The following AACS variants were observed in gnomAD, a reference collection of about 807,000 sequenced individuals.
The protein encoded by AACS is acetoacetate-CoA ligase.
A neutral mutation model predicts 83.1 loss-of-function variants in AACS; 69 were observed. The observed-to-expected ratio is 0.83, with a 90% CI of 0.68 to 1.01. The LOEUF (loss-of-function observed/expected upper bound fraction) is 1.01, where lower values mean the gene tolerates loss of function less well. Ranked by LOEUF, AACS falls within the 50% of genes least tolerant of loss-of-function variation. The pLI, the probability that AACS is intolerant of heterozygous loss-of-function variation, is 0.00. For missense variants in AACS, 866 were observed against 882.2 expected (o/e 0.98, Z 0.23); for synonymous variants, 333 against 343.4 (o/e 0.97, Z 0.33).
At chr12:125,118,527 A>G (rs1355407006) in intron 9 of AACS, 114 bp from the exon 10 acceptor site, 11 of 1,448,410 alleles carry the variant, frequency 7.6e-6, no homozygotes, top group Non-Finnish European at 1.0e-5. Context: ...GGAAGTTAGC[A>G]CCAACCTGTG....
rs1257564341 is a variant in AACS at position 125,140,954 on chromosome 12, TAAA to T, written c.1882-1134_1882-1132del. 2.6e-5 allele frequency: 4 copies of T among 152,190 alleles called. No homozygotes were observed. In the East Asian group the frequency reaches 7.7e-4, roughly 29 times the overall value. 9.4% of individuals were successfully genotyped at this position (152,190 alleles called of 1,614,324 possible). A position where few individuals can be genotyped will look rare whatever the true frequency, so the allele number is the denominator to read the frequency against. On this transcript the variant is annotated intron_variant, in intron 17 of 17. Transcript: ENST00000316519. This position sits in a 1 kb window ranked among gnomAD's most constrained non-coding sequence, Gnocchi z 5.1. ...TAACGTGATAAAATATATAGAGAAG[TAAA>T]AAAGTATAAATAAAAGTAAAATCAT... is the stretch of plus-strand genomic sequence containing the variant.
chr12:125,139,392 A>G (rs747733963), intron 17 of AACS: 2 of 152,390 alleles, frequency 1.3e-5, no homozygotes, highest in African/African-American at 2.4e-5. Flanking sequence ...GTCTTTATGC[A>G]CAGGGGCTCT....
At chr12:125,120,499 A>G (rs926139348) in intron 10 of AACS, 1 of 152,184 alleles carries the variant, frequency 6.6e-6, no homozygotes, top group Non-Finnish European at 1.5e-5. Flanking sequence ...GAGGAAGGCT[A>G]TTTCCTAATG....
intron 5 of AACS, among the ~76,000 whole-genome samples, chr12:125,100,648 A>G (rs1339389311): frequency 2.6e-5 from 4 of 152,234 alleles, no homozygotes; most frequent in Admixed American, 6.5e-5. Context: ...CTCAAATTTT[A>G]TCACACCTCA....
In AACS at chr12:125,073,779, C is replaced by T. The variant is rs189291836; in HGVS notation, c.134-97C>T. 57 of 977,730 alleles carry T rather than the reference C, an allele frequency of 5.8e-5. No individual in the cohort carries two copies. The South Asian group carries it at 6.4e-4, about 11-fold the overall frequency. 60.6% of individuals were successfully genotyped at this position (977,730 alleles called of 1,614,324 possible). A position where few individuals can be genotyped will look rare whatever the true frequency, so the allele number is the denominator to read the frequency against. ...CATTTCTCCTCAGATGAATTTGGCT[C>T]GCTTGGACATGCTCAAGGCTTCTGA... On this transcript the variant is annotated intron_variant, in intron 1 of 17. Transcript: ENST00000316519.
At chr12:125,125,392 A>C (rs1957232101) in intron 12 of AACS, among the ~76,000 whole-genome samples, 1 of 152,206 alleles carries the variant, frequency 6.6e-6, no homozygotes, top group Non-Finnish European at 1.5e-5. Flanking sequence ...CAGGTGCTAG[A>C]GCTGGGATGC....
chr12:125,127,306 C>A (rs1338499406), intron 12 of AACS: 1 of 152,152 alleles, frequency 6.6e-6, no homozygotes. Flanking sequence ...GTGGCAGAAA[C>A]GAACGTGACT....
At chr12:125,132,168 CTG>C (rs1957337725) in intron 14 of AACS, among the ~76,000 whole-genome samples, 1 of 152,248 alleles carries the variant, frequency 6.6e-6, no homozygotes, top group Non-Finnish European at 1.5e-5. Flanking sequence ...GCCACTTCCT[CTG>C]TGGTGCCCTG....
intron 17 of AACS, among the ~76,000 whole-genome samples, chr12:125,137,970 T>A (rs1957423408): frequency 6.6e-6 from 1 of 152,340 alleles, no homozygotes; most frequent in African/African-American, 2.4e-5. Flanking sequence ...TGTTGAAATA[T>A]CTGATGCCGT....
chr12:125,069,431 C>T (rs1468575636), intron 1 of AACS, among the ~76,000 whole-genome samples: 1 of 152,204 alleles, frequency 6.6e-6, no homozygotes, highest in East Asian at 1.9e-4. Flanking sequence ...GTAGGGTTAC[C>T]CACCCTCTTT....
intron 10 of AACS, chr12:125,121,207 G>A (rs1346783260): frequency 6.6e-6 from 1 of 152,328 alleles, no homozygotes; most frequent in Non-Finnish European, 1.5e-5. Context: ...ACCCTGGCAG[G>A]GGCTGCGGGT....
Position 125,107,380 on chromosome 12 carries a change from AG to A in AACS, c.915+113del, listed in dbSNP as rs1345032664. 6 of 1,409,680 alleles carry A rather than the reference AG, an allele frequency of 4.3e-6. No individual in the cohort carries two copies. The African/African-American group carries it at 7.0e-5, about 17-fold the overall frequency. The allele number at this position is 1,409,680 out of a possible 1,614,324, so 87.3% of individuals were successfully genotyped here. ...TTGTCAAACTGCACCCCATCCCCGG[AG>A]AGTCCAACGTGCAGCTTCTCTCCAA... On this transcript the variant is annotated intron_variant, in intron 8 of 17. Coordinates refer to ENST00000316519, the MANE Select transcript of AACS (RefSeq NM_023928.5).
rs189962761 is a variant in AACS at position 125,113,282 on chromosome 12, C to T, written c.916-1195C>T. ...ATGGCTGGGTTTTAATATATAAGTCCTTGCTTCAGCCTTCTAGGCCCTCCA... is the reference window on the plus strand; with the variant it reads ...ATGGCTGGGTTTTAATATATAAGTCTTTGCTTCAGCCTTCTAGGCCCTCCA... On this transcript the variant is annotated intron_variant, in intron 8 of 17. Coordinates refer to ENST00000316519, the MANE Select transcript of AACS (RefSeq NM_023928.5). This position sits in a 1 kb window ranked among gnomAD's most constrained non-coding sequence, Gnocchi z 4.8. Among the ~76,000 whole-genome samples the T allele has an allele frequency of 2.8e-3, 419 of 152,340 alleles. No homozygotes were observed. The highest frequency in any genetic ancestry group is 4.6e-3 in the Non-Finnish European group (315 of 68,030).
chr12:125,142,866 A>G lies in AACS; in HGVS notation c.*637A>G, dbSNP rs945926024. The G allele has an allele frequency of 6.6e-6, 1 of 152,540 alleles. No homozygotes were observed. The highest frequency in any genetic ancestry group is 1.5e-5 in the Non-Finnish European group (1 of 68,296). The allele number at this position is 152,540 out of a possible 1,614,324, so 9.4% of individuals were successfully genotyped here. On this transcript the variant is annotated 3_prime_UTR_variant, in exon 18 of 18. Transcript: ENST00000316519. The stretch of plus-strand genomic sequence containing the variant: ...TCCCTCCAAGGAATGAGTGGATTTC[A>G]TACAGGATCTCTTTATTGCACAGAC...
At chr12:125,077,092 T>G (rs1236633500) in intron 3 of AACS, among the ~76,000 whole-genome samples, 1 of 151,302 alleles carries the variant, frequency 6.6e-6, no homozygotes. Context: ...TTTTTTTTTT[T>G]TTTAGTAGAG....
intron 3 of AACS, among the ~76,000 whole-genome samples, 157 bp downstream of exon 3, chr12:125,076,768 A>T (rs539845663): frequency 5.3e-5 from 8 of 152,202 alleles, no homozygotes; most frequent in Admixed American, 2.6e-4. Flanking sequence ...TTTGCTGGGG[A>T]GGGGAAAGGG....
chr12:125,105,710 CG>C, intron 7 of AACS: 1 of 152,336 alleles, frequency 6.6e-6, no homozygotes, highest in African/African-American at 2.4e-5. Flanking sequence ...AAAGCAGAAA[CG>C]GGTACGTGCC....
chr12:125,136,908 C>G (rs1365908304), intron 17 of AACS, 44 bp downstream of exon 17: 1 of 1,592,088 alleles, frequency 6.3e-7, no homozygotes, highest in Admixed American at 1.7e-5. Flanking sequence ...GCCATCGCCC[C>G]ACGAGCCCAC....
At position 125,142,190 on chromosome 12, in the gene AACS, G is replaced by A. The variant is rs1188107806; in HGVS notation, c.1980G>A (p.Leu660=). ...QGGAFSNPET[L]DLYRDIPELQ... ...GTGCTTTCTCGAACCCCGAGACCCT[G>A]GATCTGTACCGGGACATCCCTGAGC... The change falls in exon 18 of 18, where the codon CTG becomes CTA. Residue 660 remains leucine, a synonymous_variant. Transcript: ENST00000316519. 1.9e-6 allele frequency: 3 copies of A among 1,614,066 alleles called. No individual in the cohort carries two copies. Among genetic ancestry groups the A allele is most frequent in the Non-Finnish European group, 8.5e-7 (1 of 1,180,052 alleles).
Sources: gnomAD v4.1 joint callset for allele counts (sites outside exome capture counted in the v4.1 genomes callset) on GRCh38, gnomAD v4.1.1 for gene constraint, Gnocchi (gnomAD v3.1) non-coding constraint, MANE v1.5 for transcripts, NCBI Gene and HGNC (gene_info 2026-07-23, HGNC 2026-07-21) for gene names.